Variants in CEP104 observed in about 807,000 individuals in gnomAD.
CEP104 encodes centrosomal protein of 104 kDa.
CEP104 carries 84 observed loss-of-function variants against 113.3 expected under a neutral mutation model. The observed-to-expected ratio is 0.74, with a 90% CI of 0.62 to 0.89. The LOEUF is 0.89. CEP104 is among the 40% of genes least tolerant of loss of function. The pLI is 0.00. For missense variants in CEP104, 1,053 were observed against 1,156.6 expected (o/e 0.91, Z 1.30); for synonymous variants, 378 against 421.7 (o/e 0.90, Z 1.27).
At chr1:3,854,995 C>T (rs1050441250) in intron 1 of CEP104, among the ~76,000 whole-genome samples, 6 of 151,204 alleles carry the variant, frequency 4.0e-5, no homozygotes, top group African/African-American at 9.8e-5. Flanking sequence ...CCTCAGCCTC[C>T]CAAGTAGCTA....
intron 18 of CEP104, among the ~76,000 whole-genome samples, 175 bp downstream of exon 18, chr1:3,825,583 T>C (rs1644074187): frequency 6.6e-6 from 1 of 152,220 alleles, no homozygotes; most frequent in African/African-American, 2.4e-5. Context: ...CACTGGGCTG[T>C]CTGTCATATG....
chr1:3,829,165 T>G, intron 15 of CEP104, 101 bp downstream of exon 15: 1 of 808,062 alleles, frequency 1.2e-6, no homozygotes. Flanking sequence ...GACGCTCATT[T>G]GCATAATCCC....
chr1:3,856,435 A>C (rs1644730930), intron 1 of CEP104, among the ~76,000 whole-genome samples: 1 of 152,240 alleles, frequency 6.6e-6, no homozygotes, highest in East Asian at 1.9e-4. Context: ...GCTTCAGAGA[A>C]ATCTGAACTT....
At chr1:3,839,586 CT>C (rs1199444727) in intron 7 of CEP104, 21 bp downstream of exon 7, 1 of 1,598,492 alleles carries the variant, frequency 6.3e-7, no homozygotes, top group Non-Finnish European at 8.5e-7. Flanking sequence ...AAATTAGGAA[CT>C]GTTTTCTCCA....
At chr1:3,840,059 C>T (rs1206402481) in intron 6 of CEP104, among the ~76,000 whole-genome samples, 2 of 152,182 alleles carry the variant, frequency 1.3e-5, no homozygotes, top group African/African-American at 4.8e-5. Context: ...AGTGCAGACT[C>T]TGGGCCTCGC....
At chr1:3,849,987 C>A (rs138442009) in intron 2 of CEP104, among the ~76,000 whole-genome samples, 205 of 152,326 alleles carry the variant, frequency 1.3e-3, no homozygotes, top group Middle Eastern at 3.4e-3. Context: ...TATACAGATA[C>A]CTACTTGTGT....
intron 8 of CEP104, 60 bp downstream of exon 8, chr1:3,838,904 C>T: frequency 6.4e-7 from 1 of 1,565,956 alleles, no homozygotes; most frequent in South Asian, 1.1e-5. Flanking sequence ...TTGTGAACCA[C>T]ACAGTTGAAT....
Position 3,815,394 on chromosome 1 carries a change from G to A in CEP104, c.*8C>T, listed in dbSNP as rs1643864846. ...CCCTCACAGAGACCAAGGAGCCCGA[G>A]CGCCGCGTCAGCGCTTGGCGTACGT... On this transcript the variant is annotated 3_prime_UTR_variant, in exon 22 of 22. Coordinates refer to ENST00000378230, the MANE Select transcript of CEP104 (RefSeq NM_014704.4). 2 of 1,595,354 alleles carry A rather than the reference G, an allele frequency of 1.3e-6. No homozygotes were observed. Among genetic ancestry groups the A allele is most frequent in the Non-Finnish European group, 1.7e-6 (2 of 1,168,788 alleles).
chr1:3,815,038 A>G lies in CEP104; in HGVS notation c.*364T>C. 1 of 208,272 alleles carries G rather than the reference A, an allele frequency of 4.8e-6. No homozygotes were observed. The allele number at this position is 208,272 out of a possible 1,614,324, so 12.9% of individuals were successfully genotyped here. ...TTTTATGGAAATTGCTCCAAGCACT[A>G]AGGAAAGCGGGACCGTGCCTGTGCT... On this transcript the variant is annotated 3_prime_UTR_variant, in exon 22 of 22. Coordinates refer to ENST00000378230, the MANE Select transcript of CEP104 (RefSeq NM_014704.4).
rs544915681 is a variant in CEP104 at position 3,838,237 on chromosome 1, C to T, written c.892-718G>A. Among the ~76,000 whole-genome samples, 15 of 152,280 alleles carry T rather than the reference C, an allele frequency of 9.9e-5. No individual in the cohort carries two copies. In the South Asian group the frequency reaches 3.1e-3, roughly 32 times the overall value. ...GTGCGATCGTAGCTCACTGCAGCCT[C>T]GAACTTCTGGGCCCAAGTGATCCTC... On this transcript the variant is annotated intron_variant, in intron 8 of 21. Transcript: ENST00000378230.
intron 4 of CEP104, among the ~76,000 whole-genome samples, chr1:3,846,798 A>G (rs540795368): frequency 6.5e-4 from 99 of 152,330 alleles, no homozygotes; most frequent in African/African-American, 2.3e-3. Context: ...GGGGGCAGGG[A>G]GAGTTGTAAA....
chr1:3,842,127 G>A (rs1057253431), intron 6 of CEP104, among the ~76,000 whole-genome samples: 35 of 152,170 alleles, frequency 2.3e-4, no homozygotes, highest in African/African-American at 7.2e-4. Context: ...CGCTCTTGTC[G>A]CCCAGGCTGG....
At position 3,829,942 on chromosome 1, in the gene CEP104, C is replaced by A; in HGVS notation, c.1892G>T (p.Arg631Leu). Residue 631 changes from arginine (R) to leucine (L), a missense_variant, in exon 14 of 22, where the codon CGA becomes CTA. Transcript: ENST00000378230. ...CTGTCTGTACATGTCCAAAATAATT[C>A]GAACCGCCGTCTCGCGGACCTCATA... ...RVYEVRETAV[R>L]IILDMYRQHQ... 3 of 1,614,168 alleles carry A rather than the reference C, an allele frequency of 1.9e-6. No individual in the cohort carries two copies. The highest frequency in any genetic ancestry group is 1.1e-5 in the South Asian group (1 of 91,066).
At position 3,837,462 on chromosome 1, in the gene CEP104, G is replaced by A. The variant is rs1272734066; in HGVS notation, c.949C>T (p.His317Tyr). The A allele has an allele frequency of 1.2e-6, 2 of 1,614,186 alleles. No homozygotes were observed. Among genetic ancestry groups the A allele is most frequent in the Admixed American group, 1.7e-5 (1 of 60,024 alleles). The change falls in exon 9 of 22, where the codon CAC becomes TAC. Residue 317 changes from histidine to tyrosine, a missense_variant. Transcript: ENST00000378230. ...QPLARSGSPC[H>Y]QKPMPSLPQL... is the part of the protein sequence containing the mutation. ...GGTAGTGAGGGCATTGGCTTTTGGT[G>A]GCAAGGACTGCCAGAACGAGCGAGG...
At chr1:3,849,381 G>C (rs898023212) in intron 2 of CEP104, among the ~76,000 whole-genome samples, 1 of 151,248 alleles carries the variant, frequency 6.6e-6, no homozygotes, top group Non-Finnish European at 1.5e-5. Flanking sequence ...TCCTACCTCA[G>C]CCTCCTGAGG....
rs1334793007 is a variant in CEP104 at position 3,829,561 on chromosome 1, T to C, written c.2044-188A>G. ...ATTGATAGATAAACCCACTGTGTCC[T>C]CACGGCTATCGTTATTCCGTTTGCA... is the stretch of plus-strand genomic sequence containing the variant. On this transcript the variant is annotated intron_variant, in intron 14 of 21. Transcript: ENST00000378230. 3 of 652,170 alleles carry C rather than the reference T, an allele frequency of 4.6e-6. No homozygotes were observed. In the East Asian group the frequency reaches 8.1e-5, roughly 18 times the overall value. The allele number at this position is 652,170 out of a possible 1,614,324, so 40.4% of individuals were successfully genotyped here. A position where few individuals can be genotyped will look rare whatever the true frequency, so the allele number is the denominator to read the frequency against.
At chr1:3,830,521 C>T (rs1407745926) in intron 13 of CEP104, among the ~76,000 whole-genome samples, 2 of 152,272 alleles carry the variant, frequency 1.3e-5, no homozygotes, top group Middle Eastern at 3.4e-3. Context: ...CGCCTGTAAT[C>T]CCAGCACTTT....
intron 18 of CEP104, among the ~76,000 whole-genome samples, chr1:3,824,231 C>A (rs1456163841): frequency 6.6e-6 from 1 of 152,148 alleles, no homozygotes; most frequent in Non-Finnish European, 1.5e-5. Flanking sequence ...GGATTACAGG[C>A]ATACACCACC....
rs1418229232 is a variant in CEP104, at chr1:3,826,709, C to A, written c.2187G>T (p.Gln729His). 1 of 1,614,142 alleles carries A rather than the reference C, an allele frequency of 6.2e-7. No individual in the cohort carries two copies. The highest frequency in any genetic ancestry group is 1.7e-5 in the Admixed American group (1 of 60,018). Reference sequence around the variant, plus strand: ...TGTGCACCCCAATTCTTTACATACCCTGATTCTTTGGCTTCACAGCATCAC... The same window carrying A: ...TGTGCACCCCAATTCTTTACATACCATGATTCTTTGGCTTCACAGCATCAC... ...KESDAVKPKN[Q>H]DIQGGKAAPA... The change falls in exon 16 of 22, where the codon CAG becomes CAT. Residue 729 changes from glutamine (Q) to histidine (H), a missense_variant and splice_region_variant. By Grantham distance (24) the Gln-to-His change is conservative. Coordinates refer to ENST00000378230, the MANE Select transcript of CEP104 (RefSeq NM_014704.4).
Sources: allele counts gnomAD v4.1 joint callset (sites outside exome capture counted in the v4.1 genomes callset), GRCh38; gene constraint gnomAD v4.1.1; transcripts MANE v1.5; gene names NCBI Gene and HGNC (gene_info 2026-07-23, HGNC 2026-07-21).